Variants in MYO9A observed in about 807,000 individuals in gnomAD.
MYO9A encodes the protein myosin IXA, also known as unconventional myosin-IXa.
A neutral mutation model predicts 293.3 loss-of-function variants in MYO9A; 103 were observed. The ratio of observed to expected loss-of-function variants is 0.35; its 90% CI spans 0.30 to 0.41. MYO9A has a LOEUF of 0.41. Ranked by LOEUF, MYO9A falls within the 10% of genes least tolerant of loss-of-function variation. The pLI is 1.00. For synonymous variants in MYO9A, 1,001 were observed against 1,035.7 expected (o/e 0.97, Z 0.64); for missense variants, 2,685 against 3,033.0 (o/e 0.89, Z 2.69).
intron 5 of MYO9A, 42 bp downstream of exon 5, chr15:72,020,876 A>T: frequency 8.2e-7 from 1 of 1,217,268 alleles, no homozygotes; most frequent in Non-Finnish European, 1.1e-6. Flanking sequence ...CATTAAATTT[A>T]ATACTGCCCT....
At chr15:71,930,671 ATT>A (rs2058450678) in intron 18 of MYO9A, among the ~76,000 whole-genome samples, 1 of 152,050 alleles carries the variant, frequency 6.6e-6, no homozygotes, top group Non-Finnish European at 1.5e-5. Flanking sequence ...GTGGCTTTTA[ATT>A]GGAGAATTTA....
intron 14 of MYO9A, among the ~76,000 whole-genome samples, chr15:71,952,471 T>C (rs2059074015): frequency 6.6e-6 from 1 of 152,164 alleles, no homozygotes; most frequent in African/African-American, 2.4e-5. Context: ...TGTACCTCAT[T>C]ATCACTTCTT....
At chr15:71,944,724 T>C (rs1008164584) in intron 15 of MYO9A, among the ~76,000 whole-genome samples, 5 of 152,202 alleles carry the variant, frequency 3.3e-5, no homozygotes, top group African/African-American at 1.2e-4. Flanking sequence ...TTAACACCAA[T>C]AGAACAATGT....
intron 1 of MYO9A, among the ~76,000 whole-genome samples, chr15:72,086,029 T>C (rs2079711656): frequency 6.6e-6 from 1 of 152,130 alleles, no homozygotes; most frequent in African/African-American, 2.4e-5. Context: ...GGTGTCAAGG[T>C]GCCCCTGGAC....
chr15:72,110,535 C>T (rs1253412456), intron 1 of MYO9A, among the ~76,000 whole-genome samples: 1 of 151,328 alleles, frequency 6.6e-6, no homozygotes, highest in Admixed American at 6.6e-5. Flanking sequence ...TACTTACACA[C>T]TACAAACAGC....
chr15:72,068,697 T>G (rs1237866359), intron 1 of MYO9A, among the ~76,000 whole-genome samples: 1 of 151,980 alleles, frequency 6.6e-6, no homozygotes, highest in Admixed American at 6.6e-5. Context: ...AGGCTAGTCT[T>G]GAAGCCTGGG....
intron 14 of MYO9A, chr15:71,953,702 AC>A (rs1470366980): frequency 3.3e-5 from 5 of 151,996 alleles, no homozygotes; most frequent in African/African-American, 1.2e-4. Context: ...TGCTTTCTAT[AC>A]CTTTTTACAG....
At chr15:72,036,373 T>C (rs1379294747) in intron 2 of MYO9A, 2 of 152,158 alleles carry the variant, frequency 1.3e-5, no homozygotes, top group African/African-American at 4.8e-5. Context: ...ACTGTCAAAC[T>C]CAAATTTTTA....
Position 71,923,664 on chromosome 15 carries a change from T to A in MYO9A, c.2563-7172A>T, listed in dbSNP as rs563288012. Among the ~76,000 whole-genome samples the A allele has an allele frequency of 2.0e-5, 3 of 152,314 alleles. No individual in the cohort carries two copies. In the South Asian group the frequency reaches 6.2e-4, roughly 32 times the overall value. On this transcript the variant is annotated intron_variant, in intron 18 of 41. Coordinates refer to ENST00000356056, the MANE Select transcript of MYO9A (RefSeq NM_006901.4). Reference sequence around the variant, plus strand: ...TGCCTTATAGTTGTTAGTAATAGGCTCTTATGATCCCTTATATTTCTGTAA... The same window carrying A: ...TGCCTTATAGTTGTTAGTAATAGGCACTTATGATCCCTTATATTTCTGTAA...
At chr15:71,833,643 G>A (rs1208366026) in intron 39 of MYO9A, among the ~76,000 whole-genome samples, 8 of 151,942 alleles carry the variant, frequency 5.3e-5, no homozygotes, top group East Asian at 1.9e-4. Context: ...ATTTTAAAGC[G>A]CACACAGCAA....
intron 1 of MYO9A, among the ~76,000 whole-genome samples, chr15:72,098,951 A>G (rs996841940): frequency 6.6e-6 from 1 of 152,164 alleles, no homozygotes; most frequent in African/African-American, 2.4e-5. Context: ...TATTTAAAAA[A>G]AAAAACAACT....
At chr15:71,964,188 AT>A (rs1214947214) in intron 13 of MYO9A, among the ~76,000 whole-genome samples, 1 of 151,904 alleles carries the variant, frequency 6.6e-6, no homozygotes, top group Admixed American at 6.6e-5. Context: ...TTTAATTTAT[AT>A]TATTTTGTGT....
intron 9 of MYO9A, among the ~76,000 whole-genome samples, chr15:71,997,766 T>C (rs2076740659): frequency 6.6e-6 from 1 of 152,120 alleles, no homozygotes; most frequent in Non-Finnish European, 1.5e-5. Flanking sequence ...AAAACCACAA[T>C]GAGATACCAT....
At chr15:71,844,693 C>G (rs138019164) in intron 39 of MYO9A, among the ~76,000 whole-genome samples, 1 of 151,992 alleles carries the variant, frequency 6.6e-6, no homozygotes, top group Non-Finnish European at 1.5e-5. Context: ...GTAAGGCTCA[C>G]GATAGCGAAA....
At chr15:71,900,040 T>C (rs761691444) in intron 23 of MYO9A, 34 bp from the exon 24 acceptor site, 9 of 1,561,640 alleles carry the variant, frequency 5.8e-6, no homozygotes, top group Non-Finnish European at 7.8e-6. Context: ...AAACTGGTTG[T>C]CATATCTTAC....
chr15:71,947,036 G>A (rs1471822276), intron 15 of MYO9A, among the ~76,000 whole-genome samples: 2 of 152,160 alleles, frequency 1.3e-5, no homozygotes, highest in African/African-American at 4.8e-5. Context: ...AGGATCACTT[G>A]AGCCAAGGAG....
At chr15:71,904,367 C>A (rs1311931191) in intron 20 of MYO9A, among the ~76,000 whole-genome samples, 6 of 152,176 alleles carry the variant, frequency 3.9e-5, no homozygotes. Context: ...ACAAGATAAC[C>A]TACAACTGGG....
chr15:72,079,509 G>C (rs1388024533), intron 1 of MYO9A, among the ~76,000 whole-genome samples: 1 of 152,130 alleles, frequency 6.6e-6, no homozygotes, highest in Non-Finnish European at 1.5e-5. Flanking sequence ...TAATATGCAT[G>C]TGTTTTAAAA....
intron 1 of MYO9A, among the ~76,000 whole-genome samples, chr15:72,089,130 A>T (rs1206156700): frequency 2.6e-5 from 4 of 152,184 alleles, no homozygotes; most frequent in African/African-American, 7.2e-5. Flanking sequence ...TATTACCTCA[A>T]GAGTCAAAAC....
Sources: gnomAD v4.1 joint callset for allele counts (sites outside exome capture counted in the v4.1 genomes callset) on GRCh38, gnomAD v4.1.1 for gene constraint, MANE v1.5 for transcripts, NCBI Gene and HGNC (gene_info 2026-07-23, HGNC 2026-07-21) for gene names.